The following SUGCT variants were observed in gnomAD, a reference collection of about 807,000 sequenced individuals.
The protein encoded by SUGCT is succinyl-CoA:glutarate CoA-transferase.
SUGCT carries 41 observed loss-of-function variants against 55.0 expected under a neutral mutation model. The observed-to-expected ratio is 0.74, with a 90% CI of 0.58 to 0.97. The LOEUF is 0.97. Among genes scored for constraint, SUGCT ranks in the 50% least tolerant of loss-of-function variants. The pLI, the probability that SUGCT is intolerant of heterozygous loss-of-function variation, is 0.00. For missense variants in SUGCT, 568 were observed against 547.8 expected, an observed-to-expected ratio of 1.04 and a Z score of -0.37; for synonymous variants, 187 against 200.4, an observed-to-expected ratio of 0.93 and a Z score of 0.56.
At chr7:40,895,843 G>A in the SUGCT span, among the ~76,000 whole-genome samples, 7 of 152,164 alleles carry the variant, frequency 4.6e-5, no homozygotes, top group East Asian at 1.3e-3. Context: ...GTATGGTACT[G>A]TGGGCCTCAA....
the SUGCT span, among the ~76,000 whole-genome samples, chr7:41,026,366 A>G: frequency 2.0e-5 from 3 of 152,144 alleles, no homozygotes; most frequent in African/African-American, 2.4e-5. Context: ...TCCTGCAGGC[A>G]TCTAGTTTGT....
intron 7 of SUGCT, among the ~76,000 whole-genome samples, chr7:40,264,319 G>A (rs2150969956): frequency 6.6e-6 from 1 of 152,320 alleles, no homozygotes. Flanking sequence ...GGCAGTGGAA[G>A]GAGTGGAGTT....
At chr7:41,032,788 G>A in the SUGCT span, among the ~76,000 whole-genome samples, 104 of 152,214 alleles carry the variant, frequency 6.8e-4, no homozygotes, top group African/African-American at 1.5e-3. Flanking sequence ...GTTTTGAGAC[G>A]GAGTCTCACT....
intron 2 of SUGCT, among the ~76,000 whole-genome samples, chr7:40,181,696 A>G (rs1785220127): frequency 6.6e-6 from 1 of 151,430 alleles, no homozygotes; most frequent in South Asian, 2.1e-4. Context: ...CAGTGAGCTG[A>G]GATAGTGCCA....
intron 9 of SUGCT, among the ~76,000 whole-genome samples, chr7:40,350,635 A>G (rs1217648826): frequency 6.6e-6 from 1 of 151,824 alleles, no homozygotes; most frequent in Non-Finnish European, 1.5e-5. Context: ...CTGGCCTATT[A>G]TATTTAGATT....
At chr7:40,360,589 A>G (rs768553871) in intron 9 of SUGCT, among the ~76,000 whole-genome samples, 19 of 152,180 alleles carry the variant, frequency 1.2e-4, no homozygotes, top group Non-Finnish European at 2.1e-4. Context: ...GCACTGTGAT[A>G]TGGCCATGCG....
intron 8 of SUGCT, among the ~76,000 whole-genome samples, chr7:40,274,958 C>T (rs556313717): frequency 4.6e-5 from 7 of 152,154 alleles, no homozygotes; most frequent in South Asian, 4.1e-4. Flanking sequence ...TGTGCCACCA[C>T]GCCCGGCTAA....
intron 7 of SUGCT, among the ~76,000 whole-genome samples, chr7:40,268,661 T>G (rs1791780431): frequency 6.6e-6 from 1 of 151,956 alleles, no homozygotes; most frequent in Non-Finnish European, 1.5e-5. Flanking sequence ...TAATTTTTTT[T>G]TTTTCCGAGT....
chr7:40,941,759 T>G, the SUGCT span, among the ~76,000 whole-genome samples: 2 of 152,130 alleles, frequency 1.3e-5, no homozygotes, highest in Non-Finnish European at 2.9e-5. Flanking sequence ...CAGAGTTAGG[T>G]GGGTATATAT....
chr7:40,271,702 C>T (rs936156119), intron 7 of SUGCT, among the ~76,000 whole-genome samples: 3 of 151,992 alleles, frequency 2.0e-5, no homozygotes, highest in Non-Finnish European at 4.4e-5. Context: ...TTATTCCCTG[C>T]TAACTATTTT....
the SUGCT span, among the ~76,000 whole-genome samples, chr7:40,914,272 C>CTTTTTTTTTT: frequency 3.0e-3 from 418 of 139,248 alleles, 1 homozygote; most frequent in African/African-American, 0.011. Context: ...TTATTTTTTT[C>CTTTTTTTTTT]TTTTTCTTTT....
rs1178646363 is a variant in SUGCT, at chr7:40,300,830, T to G, written c.721-15930T>G. On this transcript the variant is annotated intron_variant, in intron 8 of 13. Transcript: ENST00000335693. ...AATCAGTTTCCTTGATTTTATTCTCTGGTGAGATGCATTAGTAAACAGAGG... is the reference window on the plus strand; with the variant it reads ...AATCAGTTTCCTTGATTTTATTCTCGGGTGAGATGCATTAGTAAACAGAGG... Among the ~76,000 whole-genome samples, 3 of 152,220 alleles carry G rather than the reference T, an allele frequency of 2.0e-5. No individual in the cohort carries two copies. The East Asian group carries it at 5.8e-4, about 29-fold the overall frequency.
chr7:40,661,512 C>A (rs1341328271), intron 12 of SUGCT, among the ~76,000 whole-genome samples: 2 of 152,138 alleles, frequency 1.3e-5, no homozygotes, highest in African/African-American at 4.8e-5. Flanking sequence ...CATTTCTTGG[C>A]TTTTTTTCAC....
chr7:40,593,588 C>T (rs868832645), intron 12 of SUGCT, among the ~76,000 whole-genome samples: 1 of 152,140 alleles, frequency 6.6e-6, no homozygotes, highest in South Asian at 2.1e-4. Flanking sequence ...TGCCTGTAAT[C>T]CCAGCACTTT....
intron 1 of SUGCT, among the ~76,000 whole-genome samples, chr7:40,167,613 T>A (rs184730503): frequency 6.6e-6 from 1 of 152,310 alleles, no homozygotes; most frequent in Non-Finnish European, 1.5e-5. Flanking sequence ...TATACCTCTA[T>A]TATAAGCTGT....
At chr7:40,824,939 T>G (rs1347760338) in intron 13 of SUGCT, among the ~76,000 whole-genome samples, 1 of 152,176 alleles carries the variant, frequency 6.6e-6, no homozygotes, top group Admixed American at 6.5e-5. Flanking sequence ...GGACAAACCT[T>G]CAAACCATTG....
intron 13 of SUGCT, among the ~76,000 whole-genome samples, chr7:40,822,957 A>G (rs766999675): frequency 9.2e-5 from 14 of 152,266 alleles, no homozygotes; most frequent in Non-Finnish European, 1.9e-4. Flanking sequence ...GGGATAGGTT[A>G]TAAGTCCTCC....
At chr7:40,458,920 T>C (rs1789633379) in intron 10 of SUGCT, among the ~76,000 whole-genome samples, 181 bp from the exon 11 acceptor site, 1 of 152,188 alleles carries the variant, frequency 6.6e-6, no homozygotes, top group Non-Finnish European at 1.5e-5. Flanking sequence ...TGACAAACCC[T>C]TTCACCAGCA....
chr7:40,752,062 C>T (rs1788040780), intron 13 of SUGCT, among the ~76,000 whole-genome samples: 2 of 152,178 alleles, frequency 1.3e-5, no homozygotes, highest in Admixed American at 6.5e-5. Flanking sequence ...TAACCTCAAG[C>T]TCTTAATGGT....
Sources: allele counts gnomAD v4.1 joint callset (sites outside exome capture counted in the v4.1 genomes callset), GRCh38; gene constraint gnomAD v4.1.1; transcripts MANE v1.5; gene names NCBI Gene and HGNC (gene_info 2026-07-23, HGNC 2026-07-21).